The following TRMT11 variants were observed in gnomAD, a reference collection of about 807,000 sequenced individuals.
The protein encoded by TRMT11 is tRNA (guanine(10)-N(2))-methyltransferase TRMT11.
Under a neutral mutation model 62.8 loss-of-function variants are expected in TRMT11, and 53 were observed. The observed-to-expected ratio is 0.84, with a 90% CI of 0.68 to 1.06. TRMT11 has a LOEUF of 1.06. TRMT11 is among the 50% of genes least tolerant of loss of function. The probability of loss-of-function intolerance (pLI) is 0.00; values close to 1 mark genes in which losing one functional copy is unlikely to be tolerated. For synonymous variants in TRMT11, 188 were observed against 190.3 expected, an observed-to-expected ratio of 0.99 and a Z score of 0.10; for missense variants, 556 against 553.4, an observed-to-expected ratio of 1.00 and a Z score of -0.05.
chr6:126,015,410 A>C (rs1416300927), intron 11 of TRMT11, among the ~76,000 whole-genome samples: 1 of 152,030 alleles, frequency 6.6e-6, no homozygotes, highest in Non-Finnish European at 1.5e-5. Context: ...GTATTTTTTT[A>C]GTAGAGACAG....
intron 16 of TRMT11, among the ~76,000 whole-genome samples, chr6:126,048,667 A>G (rs1776128004): frequency 6.6e-6 from 1 of 152,182 alleles, no homozygotes; most frequent in African/African-American, 2.4e-5. Context: ...GACAGGACAC[A>G]AGTAAAGTAC....
chr6:126,042,889 G>A (rs1205223383), downstream of TRMT11, among the ~76,000 whole-genome samples: 1 of 152,156 alleles, frequency 6.6e-6, no homozygotes, highest in African/African-American at 2.4e-5. Context: ...GGTGAAGTGG[G>A]TCAATATGGG....
At chr6:126,175,166 G>A (rs1406515039), upstream of TRMT11, among the ~76,000 whole-genome samples, 1 of 152,130 alleles carries the variant, frequency 6.6e-6, no homozygotes, top group African/African-American at 2.4e-5. Flanking sequence ...CTGGTACTGG[G>A]ACAGTGATTG....
intron 17 of TRMT11, among the ~76,000 whole-genome samples, chr6:126,072,805 G>A (rs898510824): frequency 6.6e-6 from 1 of 152,006 alleles, no homozygotes; most frequent in Non-Finnish European, 1.5e-5. Context: ...TCTCTCTTAT[G>A]TTTCTTCTTA....
At chr6:126,154,343 G>A (rs866239167) in intron 21 of TRMT11, among the ~76,000 whole-genome samples, 1 of 136,794 alleles carries the variant, frequency 7.3e-6, no homozygotes, top group African/African-American at 3.2e-5. Context: ...GTGTGTATGT[G>A]TGTGTGTGTG....
At chr6:125,997,597 TC>T (rs1377013331) in intron 3 of TRMT11, among the ~76,000 whole-genome samples, 4 of 152,342 alleles carry the variant, frequency 2.6e-5, no homozygotes, top group African/African-American at 7.2e-5. Context: ...AGTCTCAAGT[TC>T]CAGGGCTCAG....
At chr6:126,263,150 T>C in the TRMT11 span, among the ~76,000 whole-genome samples, 1 of 152,198 alleles carries the variant, frequency 6.6e-6, no homozygotes, top group Non-Finnish European at 1.5e-5. Context: ...TCAGTTGCCA[T>C]CTCAAACCAG....
chr6:126,043,004 A>G (rs1775924437), downstream of TRMT11, among the ~76,000 whole-genome samples: 1 of 151,906 alleles, frequency 6.6e-6, no homozygotes. Context: ...CTGCACAAAG[A>G]GCCAAATTGC....
Position 126,103,536 on chromosome 6 carries a change from G to T in TRMT11, c.*1438-9330G>T, listed in dbSNP as rs78642450. Among the ~76,000 whole-genome samples, 342 of 152,322 alleles carry T rather than the reference G, an allele frequency of 2.2e-3. 1 individual carries two copies. The highest frequency in any genetic ancestry group is 7.9e-3 in the African/African-American group (327 of 41,570). ...CAATCAACGTGTTAGTTGAGGCTCA[G>T]TTCTCATCTGGAGGCTCAAGTGGAG... is the stretch of plus-strand genomic sequence containing the variant. On this transcript the variant is annotated intron_variant and NMD_transcript_variant, in intron 17 of 22. Coordinates refer to the TRMT11 transcript ENST00000648977.
At chr6:126,046,030 G>T (rs1206302615) in intron 16 of TRMT11, among the ~76,000 whole-genome samples, 1 of 152,010 alleles carries the variant, frequency 6.6e-6, no homozygotes, top group African/African-American at 2.4e-5. Flanking sequence ...GTCTTTTACT[G>T]CCCTGAATTG....
At chr6:126,225,017 G>C in the TRMT11 span, among the ~76,000 whole-genome samples, 1 of 152,136 alleles carries the variant, frequency 6.6e-6, no homozygotes, top group Non-Finnish European at 1.5e-5. Flanking sequence ...GCCTGAGAGA[G>C]GCTGACAGAC....
downstream of TRMT11, among the ~76,000 whole-genome samples, chr6:126,042,790 G>A (rs1223492421): frequency 1.3e-5 from 2 of 152,148 alleles, no homozygotes; most frequent in African/African-American, 4.8e-5. Flanking sequence ...GAAAAAGGCT[G>A]AGGAGAAAAT....
the TRMT11 span, among the ~76,000 whole-genome samples, chr6:126,211,321 G>A: frequency 6.6e-6 from 1 of 152,064 alleles, no homozygotes; most frequent in Non-Finnish European, 1.5e-5. Context: ...AATTCTATAA[G>A]GTACTTAATA....
intron 17 of TRMT11, among the ~76,000 whole-genome samples, chr6:126,066,295 T>C (rs556873951): frequency 6.6e-6 from 1 of 152,304 alleles, no homozygotes; most frequent in Non-Finnish European, 1.5e-5. Flanking sequence ...ACATGGACTG[T>C]CACTCAGTTT....
At chr6:126,047,123 A>G (rs1401272961) in intron 16 of TRMT11, among the ~76,000 whole-genome samples, 1 of 151,950 alleles carries the variant, frequency 6.6e-6, no homozygotes, top group Non-Finnish European at 1.5e-5. Context: ...ATTAGCTACT[A>G]CTGATATGGA....
the TRMT11 span, among the ~76,000 whole-genome samples, chr6:126,239,383 G>C: frequency 6.6e-6 from 1 of 152,140 alleles, no homozygotes; most frequent in Non-Finnish European, 1.5e-5. Flanking sequence ...TCCTTCAGGA[G>C]CTCTTTTAGG....
chr6:126,063,535 G>T (rs958976185), intron 17 of TRMT11, among the ~76,000 whole-genome samples: 8 of 152,178 alleles, frequency 5.3e-5, no homozygotes, highest in African/African-American at 1.7e-4. Flanking sequence ...ATTAAACTTT[G>T]TGTTACAACA....
the TRMT11 span, among the ~76,000 whole-genome samples, chr6:126,262,833 G>T: frequency 6.6e-6 from 1 of 152,200 alleles, no homozygotes; most frequent in Admixed American, 6.5e-5. Flanking sequence ...CTTCCTTCCT[G>T]ATGGTTCTGT....
intron 17 of TRMT11, among the ~76,000 whole-genome samples, chr6:126,078,302 G>T (rs1285905985): frequency 2.0e-5 from 3 of 151,992 alleles, no homozygotes; most frequent in Non-Finnish European, 4.4e-5. Context: ...GAACAATGCT[G>T]TGCACTTGGT....
Sources: allele counts gnomAD v4.1 joint callset (sites outside exome capture counted in the v4.1 genomes callset), GRCh38; gene constraint gnomAD v4.1.1; transcripts MANE v1.5; gene names NCBI Gene and HGNC (gene_info 2026-07-23, HGNC 2026-07-21).